The following MTDH variants were observed in gnomAD, a reference collection of about 807,000 sequenced individuals.
The protein encoded by MTDH is protein LYRIC.
A neutral mutation model predicts 72.7 loss-of-function variants in MTDH; 34 were observed. The observed-to-expected ratio is 0.47, with a 90% CI of 0.36 to 0.62. The LOEUF (loss-of-function observed/expected upper bound fraction) is 0.62, where lower values mean the gene tolerates loss of function less well. Among genes scored for constraint, MTDH ranks in the 20% least tolerant of loss-of-function variants. The probability of loss-of-function intolerance (pLI) is 0.00; values close to 1 mark genes in which losing one functional copy is unlikely to be tolerated. For missense variants in MTDH, 677 were observed against 699.4 expected, an observed-to-expected ratio of 0.97 and a Z score of 0.36; for synonymous variants, 266 against 268.9, an observed-to-expected ratio of 0.99 and a Z score of 0.10.
intron 2 of MTDH, among the ~76,000 whole-genome samples, chr8:97,685,131 T>C (rs1046451007): frequency 1.3e-5 from 2 of 151,978 alleles, no homozygotes; most frequent in African/African-American, 4.8e-5. Flanking sequence ...AACCACTGAA[T>C]TGTGTACCTT....
intron 8 of MTDH, among the ~76,000 whole-genome samples, chr8:97,707,632 A>G (rs1814419329): frequency 1.3e-5 from 2 of 152,056 alleles, no homozygotes; most frequent in African/African-American, 4.8e-5. Context: ...GCAAGTAGCC[A>G]TAGATGATAT....
chr8:97,707,029 A>G (rs980796450), intron 8 of MTDH, among the ~76,000 whole-genome samples: 5 of 152,196 alleles, frequency 3.3e-5, no homozygotes, highest in Non-Finnish European at 7.3e-5. Flanking sequence ...CCAAGTTTTG[A>G]TAGGACTGGA....
chr8:97,693,158 A>AAT (rs1191640366), intron 6 of MTDH, among the ~76,000 whole-genome samples: 4 of 152,082 alleles, frequency 2.6e-5, no homozygotes, highest in Non-Finnish European at 5.9e-5. Context: ...TCTAATTTAT[A>AAT]CTCAAAGCAT....
chr8:97,683,766 G>A (rs891536649), intron 2 of MTDH, among the ~76,000 whole-genome samples: 19 of 152,088 alleles, frequency 1.2e-4, no homozygotes, highest in Non-Finnish European at 2.9e-5. Context: ...CTGTGGACCT[G>A]CACTGTCCAG....
At chr8:97,700,760 C>G (rs1297775724) in intron 7 of MTDH, among the ~76,000 whole-genome samples, 1 of 152,184 alleles carries the variant, frequency 6.6e-6, no homozygotes, top group Non-Finnish European at 1.5e-5. Context: ...CTAGCTTTTC[C>G]CAGGCCACAC....
At position 97,726,918 on chromosome 8, in the gene MTDH, C is replaced by CA. The variant is rs35289254; in HGVS notation, c.*2259dup. On this transcript the variant is annotated 3_prime_UTR_variant, in exon 12 of 12. Coordinates refer to ENST00000336273, the MANE Select transcript of MTDH (RefSeq NM_178812.4). Reference sequence around the variant, plus strand: ...TGAAACCCCATCTTTACTAAAAATACAAAAAAAAAAATTAGCTGGGTGTGG... The same window carrying CA: ...TGAAACCCCATCTTTACTAAAAATACAAAAAAAAAAAATTAGCTGGGTGTGG... 0.029 allele frequency: 4,157 copies of CA among 144,530 alleles called. 120 individuals are homozygous for CA. Among genetic ancestry groups the CA allele is most frequent in the African/African-American group, 0.069 (2,739 of 39,458 alleles). The allele number at this position is 144,530 out of a possible 1,614,324, so 9.0% of individuals were successfully genotyped here.
chr8:97,694,076 T>C (rs1813727227), intron 6 of MTDH, among the ~76,000 whole-genome samples: 1 of 152,192 alleles, frequency 6.6e-6, no homozygotes, highest in East Asian at 1.9e-4. Context: ...ATTTTTTCTC[T>C]TGTGCTTATG....
chr8:97,726,498 CAA>C lies in MTDH; in HGVS notation c.*1830_*1831del, dbSNP rs1815356504. ...TAGGGAATCTAATTTTAGAATGTGC[CAA>C]ATGGTCTGTGCTCAACAATATAATT... On this transcript the variant is annotated 3_prime_UTR_variant, in exon 12 of 12. Coordinates refer to ENST00000336273, the MANE Select transcript of MTDH (RefSeq NM_178812.4). 1 of 152,178 alleles carries C rather than the reference CAA, an allele frequency of 6.6e-6. No individual in the cohort carries two copies. The highest frequency in any genetic ancestry group is 1.5e-5 in the Non-Finnish European group (1 of 68,032). 9.4% of individuals were successfully genotyped at this position (152,178 alleles called of 1,614,324 possible). A position where few individuals can be genotyped will look rare whatever the true frequency, so the allele number is the denominator to read the frequency against.
intron 8 of MTDH, among the ~76,000 whole-genome samples, chr8:97,712,581 T>C (rs1814681667): frequency 6.6e-6 from 1 of 152,230 alleles, no homozygotes; most frequent in Non-Finnish European, 1.5e-5. Context: ...AACATAAGCT[T>C]TCATTTCTCT....
In MTDH at chr8:97,648,418, G is replaced by A. The variant is rs144322576; in HGVS notation, c.381+3531G>A. 1.0e-2 allele frequency among the ~76,000 whole-genome samples: 1,512 copies of A among 151,882 alleles called. 80 individuals carry two copies. The highest frequency in any genetic ancestry group is 0.087 in the Admixed American group (1,320 of 15,232). On this transcript the variant is annotated intron_variant, in intron 1 of 11. Coordinates refer to ENST00000336273, the MANE Select transcript of MTDH (RefSeq NM_178812.4). Reference sequence around the variant, plus strand: ...TGACTTAGATTGAAGTGAAGTCTGCGAAAACTGGTCTGTAACAATTGGCTT... The same window carrying A: ...TGACTTAGATTGAAGTGAAGTCTGCAAAAACTGGTCTGTAACAATTGGCTT...
chr8:97,686,561 A>T, intron 2 of MTDH, 107 bp from the exon 3 acceptor site: 1 of 559,050 alleles, frequency 1.8e-6, no homozygotes, highest in Non-Finnish European at 2.8e-6. Context: ...ATCAAACATT[A>T]ATTTTTTTTT....
rs1308893314 is a variant in MTDH at position 97,699,835 on chromosome 8, A to T, written c.1130A>T (p.Asp377Val). 1 of 1,611,282 alleles carries T rather than the reference A, an allele frequency of 6.2e-7. No individual in the cohort carries two copies. Among genetic ancestry groups the T allele is most frequent in the Non-Finnish European group, 8.5e-7 (1 of 1,177,788 alleles). The stretch of plus-strand genomic sequence containing the variant: ...AGCCGTAATCAACCCTATATCGATG[A>T]TGAATGGTCTGGGTTAAGTATGTCC... ...DVSRNQPYID[D>V]EWSGLNGLSS... Residue 377 changes from aspartate to valine, a missense_variant, in exon 7 of 12, where the codon GAT becomes GTT. Physicochemically the swap from Asp to Val is radical, Grantham distance 152. Transcript: ENST00000336273.
chr8:97,668,239 A>G (rs180857065), intron 2 of MTDH, among the ~76,000 whole-genome samples: 131 of 152,260 alleles, frequency 8.6e-4, no homozygotes, highest in African/African-American at 3.0e-3. Context: ...GTGAGCCCAA[A>G]TCGCATCACT....
rs1586190542 is a variant in MTDH at position 97,644,253 on chromosome 8, C to G, written c.-254C>G. 4.0e-6 allele frequency: 2 copies of G among 502,052 alleles called. No individual in the cohort carries two copies. Among genetic ancestry groups the G allele is most frequent in the Non-Finnish European group, 3.4e-6 (1 of 290,610 alleles). 31.1% of individuals were successfully genotyped at this position (502,052 alleles called of 1,614,324 possible). On this transcript the variant is annotated 5_prime_UTR_variant, in exon 1 of 12. Coordinates refer to ENST00000336273, the MANE Select transcript of MTDH (RefSeq NM_178812.4). ...TGGCGCCGAGACGCCGCTTAGCGGC[C>G]GCCACTGGAGACACTCCCTCCCGCC... is the stretch of plus-strand genomic sequence containing the variant.
intron 5 of MTDH, among the ~76,000 whole-genome samples, 179 bp downstream of exon 5, chr8:97,689,282 C>T (rs946759127): frequency 6.6e-6 from 1 of 151,886 alleles, no homozygotes; most frequent in African/African-American, 2.4e-5. Context: ...AAAGAAAAAT[C>T]ACACCCACTT....
At chr8:97,692,178 G>A (rs762509858) in intron 6 of MTDH, among the ~76,000 whole-genome samples, 8 of 151,478 alleles carry the variant, frequency 5.3e-5, no homozygotes, top group Non-Finnish European at 1.0e-4. Flanking sequence ...CATCGCACCC[G>A]GCCTATAGTT....
At chr8:97,720,127 A>C (rs1815051969) in intron 10 of MTDH, among the ~76,000 whole-genome samples, 1 of 151,994 alleles carries the variant, frequency 6.6e-6, no homozygotes, top group East Asian at 1.9e-4. Flanking sequence ...TCTACTAAAA[A>C]TACAAAAATT....
At chr8:97,673,707 G>T (rs1445973659) in intron 2 of MTDH, among the ~76,000 whole-genome samples, 1 of 151,862 alleles carries the variant, frequency 6.6e-6, no homozygotes, top group Non-Finnish European at 1.5e-5. Context: ...GGGTGCAGTG[G>T]CTCACACCTT....
At chr8:97,720,222 T>G (rs1236698778) in intron 10 of MTDH, among the ~76,000 whole-genome samples, 1 of 151,780 alleles carries the variant, frequency 6.6e-6, no homozygotes, top group Non-Finnish European at 1.5e-5. Context: ...GAGGCAGAGG[T>G]TGCAGTGAGC....
Sources: allele counts gnomAD v4.1 joint callset (sites outside exome capture counted in the v4.1 genomes callset), GRCh38; gene constraint gnomAD v4.1.1; transcripts MANE v1.5; gene names NCBI Gene and HGNC (gene_info 2026-07-23, HGNC 2026-07-21).